Variants in ANKRD6 observed in about 807,000 individuals in gnomAD.
ANKRD6 encodes the protein ankyrin repeat domain-containing protein 6.
ANKRD6 carries 56 observed loss-of-function variants against 82.3 expected under a neutral mutation model. That is an observed-to-expected ratio of 0.68 (90% CI 0.55 to 0.85). The LOEUF is 0.85. Among genes scored for constraint, ANKRD6 ranks in the 40% least tolerant of loss-of-function variants. The pLI, the probability that ANKRD6 is intolerant of heterozygous loss-of-function variation, is 0.00. For missense variants in ANKRD6, 852 were observed against 907.6 expected (o/e 0.94, Z 0.79); for synonymous variants, 347 against 352.1 (o/e 0.99, Z 0.16).
chr6:89,548,422 C>G (rs912820697), intron 1 of ANKRD6, among the ~76,000 whole-genome samples: 32 of 152,164 alleles, frequency 2.1e-4, no homozygotes, highest in African/African-American at 7.5e-4. Context: ...TTTTGTTTAT[C>G]AGTTCACCAT....
chr6:89,450,287 C>T (rs1198735150), intron 1 of ANKRD6, among the ~76,000 whole-genome samples: 5 of 150,990 alleles, frequency 3.3e-5, no homozygotes, highest in Non-Finnish European at 5.9e-5. Flanking sequence ...TGGTGAGCCT[C>T]GCGACAGAGT....
At chr6:89,481,378 A>G (rs1224555769) in intron 1 of ANKRD6, among the ~76,000 whole-genome samples, 1 of 152,180 alleles carries the variant, frequency 6.6e-6, no homozygotes, top group Non-Finnish European at 1.5e-5. Flanking sequence ...CTCAAAGGAA[A>G]TGCTTATTGG....
At chr6:89,609,843 C>G (rs1799768451) in intron 5 of ANKRD6, among the ~76,000 whole-genome samples, 2 of 152,136 alleles carry the variant, frequency 1.3e-5, no homozygotes, top group Non-Finnish European at 2.9e-5. Context: ...ATCTCTTGAT[C>G]TTGTGATCCA....
At chr6:89,540,710 T>A (rs1784353313) in intron 1 of ANKRD6, among the ~76,000 whole-genome samples, 1 of 152,220 alleles carries the variant, frequency 6.6e-6, no homozygotes, top group Non-Finnish European at 1.5e-5. Context: ...CCCAGACCAA[T>A]GTCCCAGAGA....
chr6:89,497,253 G>A (rs1778735665), intron 1 of ANKRD6, among the ~76,000 whole-genome samples: 1 of 152,276 alleles, frequency 6.6e-6, no homozygotes, highest in South Asian at 2.1e-4. Context: ...GATCATTTAG[G>A]ATATTTAAAA....
Position 89,598,523 on chromosome 6 carries a change from C to T in ANKRD6, c.219+2509C>T, listed in dbSNP as rs186934855. 1.5e-3 allele frequency: 840 copies of T among 545,664 alleles called. 2 individuals carry two copies. Among genetic ancestry groups the T allele is most frequent in the Middle Eastern group, 0.011 (12 of 1,084 alleles). 33.8% of individuals were successfully genotyped at this position (545,664 alleles called of 1,614,324 possible). A position where few individuals can be genotyped will look rare whatever the true frequency, so the allele number is the denominator to read the frequency against. On this transcript the variant is annotated intron_variant, in intron 3 of 15. Transcript: ENST00000339746. ...ATGGGGGTGTTTCCTCTTGAAGAGG[C>T]GCACACTGCACCCTTGCATGACTGA...
intron 1 of ANKRD6, among the ~76,000 whole-genome samples, chr6:89,556,227 T>G (rs1786578295): frequency 6.6e-6 from 1 of 152,216 alleles, no homozygotes; most frequent in African/African-American, 2.4e-5. Flanking sequence ...ATTATCCCTT[T>G]CTTCTAACAC....
intron 1 of ANKRD6, among the ~76,000 whole-genome samples, chr6:89,542,968 G>C (rs1280828852): frequency 6.6e-6 from 1 of 152,206 alleles, no homozygotes; most frequent in Non-Finnish European, 1.5e-5. Flanking sequence ...TTTGTGGGAA[G>C]GGTGGGGATT....
intron 1 of ANKRD6, among the ~76,000 whole-genome samples, chr6:89,522,960 CTG>C (rs1374947383): frequency 6.6e-6 from 1 of 152,124 alleles, no homozygotes; most frequent in African/African-American, 2.4e-5. Context: ...GGTGCGGGGA[CTG>C]GGGATTGCTC....
rs924451943 is a variant in ANKRD6, at chr6:89,433,307, G to T, written c.-212G>T. On this transcript the variant is annotated 5_prime_UTR_variant, in exon 1 of 16. Transcript: ENST00000339746. The surrounding 1 kb of genome is among the most constrained non-coding windows in gnomAD (Gnocchi z 4.3). ...CCAGCGGGAGCCAGTCCCCGTCTTCGCCCCTCGCCCCCCACCGTGTCGCCG... is the reference window on the plus strand; with the variant it reads ...CCAGCGGGAGCCAGTCCCCGTCTTCTCCCCTCGCCCCCCACCGTGTCGCCG... 2.0e-5 allele frequency: 3 copies of T among 152,266 alleles called. No homozygotes were observed. Among genetic ancestry groups the T allele is most frequent in the Middle Eastern group, 3.4e-3 (1 of 292 alleles). The allele number at this position is 152,266 out of a possible 1,614,324, so 9.4% of individuals were successfully genotyped here. A position where few individuals can be genotyped will look rare whatever the true frequency, so the allele number is the denominator to read the frequency against.
chr6:89,468,598 TAAAAAAAAAAAAAAA>T (rs60606383), intron 1 of ANKRD6, among the ~76,000 whole-genome samples: 2 of 53,842 alleles, frequency 3.7e-5, no homozygotes, highest in African/African-American at 1.8e-4. Flanking sequence ...GTTGATGAGC[TAAAAAAAAAAAAAAA>T]AAAAAAAAAA....
chr6:89,605,988 A>C lies in ANKRD6; in HGVS notation c.319-19A>C, dbSNP rs1353666231. The C allele has an allele frequency of 1.3e-6, 2 of 1,547,498 alleles. No homozygotes were observed. The highest frequency in any genetic ancestry group is 1.8e-6 in the Non-Finnish European group (2 of 1,137,492). ...AGGTCTTGGGTAATGTGCCTTTCCC[A>C]CCTGTGTGTCTTCCTTAGGATGGGA... On this transcript the variant is annotated intron_variant, in intron 4 of 15. Transcript: ENST00000339746.
chr6:89,593,392 T>G (rs1399676310), intron 2 of ANKRD6, among the ~76,000 whole-genome samples: 3 of 152,238 alleles, frequency 2.0e-5, no homozygotes, highest in African/African-American at 7.2e-5. Flanking sequence ...AGCTATGATT[T>G]CATTGGAAGA....
At chr6:89,457,444 A>T (rs1355677281) in intron 1 of ANKRD6, among the ~76,000 whole-genome samples, 1 of 152,234 alleles carries the variant, frequency 6.6e-6, no homozygotes, top group Non-Finnish European at 1.5e-5. Context: ...CGTGCATGTC[A>T]TCAAAATTAA....
chr6:89,624,429 C>G (rs994703500), intron 12 of ANKRD6, 110 bp from the exon 13 acceptor site: 8 of 1,346,426 alleles, frequency 5.9e-6, no homozygotes, highest in Admixed American at 4.9e-5. Flanking sequence ...GAGCCTATCT[C>G]TTCCATCATC....
chr6:89,498,711 C>T (rs1261878322), intron 1 of ANKRD6, among the ~76,000 whole-genome samples: 1 of 152,180 alleles, frequency 6.6e-6, no homozygotes, highest in Non-Finnish European at 1.5e-5. Flanking sequence ...GGTGAGAATA[C>T]AATCCGGTCA....
chr6:89,593,271 T>G (rs1795246202), intron 2 of ANKRD6, among the ~76,000 whole-genome samples: 1 of 152,184 alleles, frequency 6.6e-6, no homozygotes, highest in South Asian at 2.1e-4. Context: ...GGAAACTTTG[T>G]GAAGGGCACA....
chr6:89,524,524 T>A (rs1261820363), intron 1 of ANKRD6, among the ~76,000 whole-genome samples: 2 of 152,210 alleles, frequency 1.3e-5, no homozygotes, highest in Non-Finnish European at 2.9e-5. Flanking sequence ...TCGCAGCAAC[T>A]GGGCTGGAGT....
chr6:89,454,489 A>G (rs140867342), intron 1 of ANKRD6, among the ~76,000 whole-genome samples: 1 of 152,338 alleles, frequency 6.6e-6, no homozygotes, highest in East Asian at 1.9e-4. Context: ...GGAGTGACCA[A>G]TCAGAGACTT....
Sources: allele counts gnomAD v4.1 joint callset (sites outside exome capture counted in the v4.1 genomes callset), GRCh38; gene constraint gnomAD v4.1.1; non-coding constraint Gnocchi (gnomAD v3.1); transcripts MANE v1.5; gene names NCBI Gene and HGNC (gene_info 2026-07-23, HGNC 2026-07-21).